The following NCOA3 variants were observed in gnomAD, a reference collection of about 807,000 sequenced individuals.
The protein encoded by NCOA3 is CBP-interacting protein.
In NCOA3, 51 loss-of-function variants were observed where a neutral mutation model predicts 158.8. The ratio of observed to expected loss-of-function variants is 0.32; its 90% CI spans 0.26 to 0.41. The LOEUF (loss-of-function observed/expected upper bound fraction) is 0.41. NCOA3 is among the 10% of genes least tolerant of loss of function. The pLI, the probability that NCOA3 is intolerant of heterozygous loss-of-function variation, is 1.00. For synonymous variants in NCOA3, 537 were observed against 592.4 expected (o/e 0.91, Z 1.36); for missense variants, 1,510 against 1,746.6 (o/e 0.86, Z 2.41).
At chr20:47,516,273 G>A (rs1345939337) in intron 1 of NCOA3, among the ~76,000 whole-genome samples, 1 of 152,132 alleles carries the variant, frequency 6.6e-6, no homozygotes. Flanking sequence ...ACATGGGTTT[G>A]GGCAGGAGGT....
chr20:47,513,252 C>CG (rs2084176657), intron 1 of NCOA3, among the ~76,000 whole-genome samples: 1 of 152,086 alleles, frequency 6.6e-6, no homozygotes, highest in African/African-American at 2.4e-5. Flanking sequence ...GGGTTCCCCC[C>CG]AAGAGAAACA....
At chr20:47,598,785 A>G (rs1467270521) in intron 2 of NCOA3, among the ~76,000 whole-genome samples, 1 of 152,258 alleles carries the variant, frequency 6.6e-6, no homozygotes, top group African/African-American at 2.4e-5. Context: ...CATAAATAAA[A>G]TGTGGTGTAT....
intron 2 of NCOA3, among the ~76,000 whole-genome samples, chr20:47,584,538 T>G (rs2085504040): frequency 6.6e-6 from 1 of 151,278 alleles, no homozygotes; most frequent in Non-Finnish European, 1.5e-5. Context: ...GAAAATCACT[T>G]GAACCTTGGA....
At chr20:47,515,643 C>T (rs1386673606) in intron 1 of NCOA3, among the ~76,000 whole-genome samples, 1 of 151,848 alleles carries the variant, frequency 6.6e-6, no homozygotes, top group Non-Finnish European at 1.5e-5. Context: ...CACCACCACT[C>T]CCAGCTAATT....
At chr20:47,528,712 A>C (rs968192390) in intron 1 of NCOA3, among the ~76,000 whole-genome samples, 2 of 152,230 alleles carry the variant, frequency 1.3e-5, no homozygotes, top group South Asian at 4.1e-4. Flanking sequence ...TATTTGTCAC[A>C]TTTAGCAATT....
intron 1 of NCOA3, among the ~76,000 whole-genome samples, chr20:47,520,923 ACT>A (rs1167750842): frequency 6.6e-6 from 1 of 151,926 alleles, no homozygotes; most frequent in East Asian, 1.9e-4. Flanking sequence ...GCACCCACTC[ACT>A]CTGTCCAGCA....
intron 1 of NCOA3, among the ~76,000 whole-genome samples, chr20:47,522,763 G>T (rs1225414342): frequency 6.6e-6 from 1 of 152,034 alleles, no homozygotes; most frequent in African/African-American, 2.4e-5. Flanking sequence ...GTGGGGAAAG[G>T]GCAAGAAGGC....
At chr20:47,624,940 G>GTT (rs909472423) in intron 4 of NCOA3, among the ~76,000 whole-genome samples, 59 of 151,816 alleles carry the variant, frequency 3.9e-4, no homozygotes, top group Middle Eastern at 3.4e-3. Context: ...GCCCAGCTAA[G>GTT]TTTTGTATTT....
intron 2 of NCOA3, among the ~76,000 whole-genome samples, chr20:47,607,902 T>C (rs1034524258): frequency 2.6e-5 from 4 of 152,238 alleles, no homozygotes; most frequent in Admixed American, 1.3e-4. Context: ...TGTTTTCTAT[T>C]AAGTCAGGTA....
At chr20:47,532,359 G>C (rs1378161792) in intron 1 of NCOA3, among the ~76,000 whole-genome samples, 1 of 152,156 alleles carries the variant, frequency 6.6e-6, no homozygotes, top group Non-Finnish European at 1.5e-5. Context: ...TTGGAGCACA[G>C]TGTTTGGAGG....
At chr20:47,628,102 A>G in intron 8 of NCOA3, 79 bp downstream of exon 8, 3 of 978,770 alleles carry the variant, frequency 3.1e-6, no homozygotes, top group African/African-American at 1.6e-5. Flanking sequence ...AAATGTTACT[A>G]TTTTTAATCT....
At chr20:47,551,738 A>G (rs756381549) in intron 1 of NCOA3, among the ~76,000 whole-genome samples, 4 of 152,232 alleles carry the variant, frequency 2.6e-5, no homozygotes, top group Admixed American at 2.6e-4. Context: ...TGTGTATGCC[A>G]TAGCAATTTA....
intron 1 of NCOA3, among the ~76,000 whole-genome samples, chr20:47,512,927 G>GT (rs2084170266): frequency 6.6e-6 from 1 of 152,188 alleles, no homozygotes; most frequent in Admixed American, 6.5e-5. Flanking sequence ...GAAGGCTGAG[G>GT]TGGGGGATCA....
chr20:47,566,236 C>T (rs766352202), intron 1 of NCOA3, among the ~76,000 whole-genome samples: 1 of 152,062 alleles, frequency 6.6e-6, no homozygotes, highest in Non-Finnish European at 1.5e-5. Flanking sequence ...CCCACCCCTC[C>T]CTTTTTGTTC....
chr20:47,514,039 G>A (rs576741319), intron 1 of NCOA3, among the ~76,000 whole-genome samples: 21 of 152,232 alleles, frequency 1.4e-4, no homozygotes, highest in African/African-American at 4.8e-4. Flanking sequence ...GCTAAGAAAG[G>A]ACGGCCACTG....
At chr20:47,588,377 C>T (rs1210095966) in intron 2 of NCOA3, among the ~76,000 whole-genome samples, 4 of 151,318 alleles carry the variant, frequency 2.6e-5, no homozygotes, top group South Asian at 2.1e-4. Flanking sequence ...TCAGGCGATC[C>T]GCCCGCCTCT....
chr20:47,505,673 G>A (rs1031779624), intron 1 of NCOA3, among the ~76,000 whole-genome samples: 4 of 151,964 alleles, frequency 2.6e-5, no homozygotes, highest in African/African-American at 9.7e-5. Flanking sequence ...TATTGGAAAT[G>A]TATGTTAACT....
At chr20:47,581,412 CTAATTT>C (rs2085450946) in intron 1 of NCOA3, among the ~76,000 whole-genome samples, 1 of 152,146 alleles carries the variant, frequency 6.6e-6, no homozygotes, top group Admixed American at 6.6e-5. Flanking sequence ...TTTCTCCCCT[CTAATTT>C]TAGTTTCAGA....
At chr20:47,517,523 T>C (rs2084255636) in intron 1 of NCOA3, among the ~76,000 whole-genome samples, 1 of 150,156 alleles carries the variant, frequency 6.7e-6, no homozygotes, top group South Asian at 2.1e-4. Context: ...CGATCTTGGC[T>C]CACTACAACC....
Sources: gnomAD v4.1 joint callset for allele counts (sites outside exome capture counted in the v4.1 genomes callset) on GRCh38, gnomAD v4.1.1 for gene constraint, MANE v1.5 for transcripts, NCBI Gene and HGNC (gene_info 2026-07-23, HGNC 2026-07-21) for gene names.